Variants in VPS13C observed in about 807,000 individuals in gnomAD.
The protein encoded by VPS13C is vacuolar protein sorting 13 homolog C, also known as intermembrane lipid transfer protein VPS13C.
Under a neutral mutation model 456.8 loss-of-function variants are expected in VPS13C, and 358 were observed. That is an observed-to-expected ratio of 0.78 (90% confidence interval 0.72 to 0.86). VPS13C has a LOEUF of 0.86. VPS13C is among the 40% of genes least tolerant of loss of function. VPS13C has a pLI of 0.00. For missense variants in VPS13C, 4,818 were observed against 4,385.4 expected, an observed-to-expected ratio of 1.10 and a Z score of -2.79; for synonymous variants, 1,578 against 1,486.7, an observed-to-expected ratio of 1.06 and a Z score of -1.41.
Position 61,858,641 on chromosome 15 carries a change from A to G in VPS13C, c.10953-2232T>C, listed in dbSNP as rs1177065422. 6.6e-6 allele frequency among the ~76,000 whole-genome samples: 1 copy of G among 152,180 alleles called. No homozygotes were observed. Among genetic ancestry groups the G allele is most frequent in the Non-Finnish European group, 1.5e-5 (1 of 68,022 alleles). On this transcript the variant is annotated intron_variant, in intron 82 of 84. Coordinates refer to ENST00000644861, the MANE Select transcript of VPS13C (RefSeq NM_020821.3). This position sits in a 1 kb window ranked among gnomAD's most constrained non-coding sequence, Gnocchi z 4.4. ...TATAAGGCACAGGTGACTCTGAGCA[A>G]AAATAGTTTATGTAGGTGGGCCTGA...
In VPS13C at chr15:61,856,411, T is replaced by C; in HGVS notation, c.10953-2A>G. ...ACTTCCTTTATACACAACACTCGCC[T>C]ATTTTGCAAAAGAAAACAAAAACTT... On this transcript the variant is annotated splice_acceptor_variant, in intron 82 of 84. Coordinates refer to ENST00000644861, the MANE Select transcript of VPS13C (RefSeq NM_020821.3). LOFTEE classifies it high-confidence loss of function. 1 of 1,608,884 alleles carries C rather than the reference T, an allele frequency of 6.2e-7. No homozygotes were observed. Among genetic ancestry groups the C allele is most frequent in the African/African-American group, 1.3e-5 (1 of 74,718 alleles).
At chr15:61,980,599 A>T (rs1014906130) in intron 22 of VPS13C, among the ~76,000 whole-genome samples, 2 of 152,024 alleles carry the variant, frequency 1.3e-5, no homozygotes, top group African/African-American at 4.8e-5. Context: ...TTACAGTCCT[A>T]ATTTGGCTTC....
At chr15:61,874,664 T>C (rs1895280765) in intron 77 of VPS13C, among the ~76,000 whole-genome samples, 1 of 151,994 alleles carries the variant, frequency 6.6e-6, no homozygotes. Context: ...TGTAAAATTA[T>C]TTGCATTTAT....
intron 9 of VPS13C, among the ~76,000 whole-genome samples, chr15:62,016,671 C>A (rs192247116): frequency 3.3e-5 from 5 of 151,904 alleles, no homozygotes; most frequent in Non-Finnish European, 7.4e-5. Flanking sequence ...CAGTCTATCA[C>A]TGTTGGACAC....
intron 65 of VPS13C, 67 bp from the exon 66 acceptor site, chr15:61,907,457 A>C: frequency 6.4e-7 from 1 of 1,567,184 alleles, no homozygotes; most frequent in Non-Finnish European, 8.6e-7. Context: ...CCTGTAGTTT[A>C]CTGAGGAAGG....
chr15:61,912,457 A>T (rs1025735472), intron 62 of VPS13C, among the ~76,000 whole-genome samples: 7 of 152,148 alleles, frequency 4.6e-5, no homozygotes, highest in Admixed American at 4.6e-4. Context: ...GTACAGAATA[A>T]GGATTCTAGC....
chr15:61,875,964 GGAATAATCACCAC>G, intron 75 of VPS13C, 119 bp from the exon 76 acceptor site: 2 of 666,834 alleles, frequency 3.0e-6, no homozygotes, highest in Non-Finnish European at 4.9e-6. Context: ...AAAGCTGTAT[GGAATAATCACCAC>G]TACCTCCACT....
At chr15:61,924,079 G>A (rs975595431) in intron 53 of VPS13C, among the ~76,000 whole-genome samples, 58 of 151,346 alleles carry the variant, frequency 3.8e-4, no homozygotes, top group Middle Eastern at 3.4e-3. Flanking sequence ...TTTTAGCCGG[G>A]ATGGTCTCGA....
chr15:61,981,217 C>T (rs531143981), intron 22 of VPS13C, 125 bp downstream of exon 22: 2 of 1,178,774 alleles, frequency 1.7e-6, no homozygotes, highest in Non-Finnish European at 2.3e-6. Flanking sequence ...AGGCTTGAAA[C>T]ACAGGCTAAA....
chr15:62,000,663 A>C (rs1166234246), intron 15 of VPS13C, 37 bp from the exon 16 acceptor site: 3 of 1,556,504 alleles, frequency 1.9e-6, no homozygotes, highest in Non-Finnish European at 2.6e-6. Context: ...CAAGAAATTT[A>C]ATCATTAGAT....
chr15:62,003,992 G>GTTT (rs1270448119), intron 15 of VPS13C, among the ~76,000 whole-genome samples: 1 of 152,002 alleles, frequency 6.6e-6, no homozygotes, highest in Non-Finnish European at 1.5e-5. Flanking sequence ...TTTTTTGGTT[G>GTTT]TGTCTCTGCC....
chr15:61,890,195 T>C lies in VPS13C; in HGVS notation c.9311A>G (p.Lys3104Arg), dbSNP rs760016787. The C allele has an allele frequency of 6.2e-7, 1 of 1,614,148 alleles. No homozygotes were observed. Among genetic ancestry groups the C allele is most frequent in the South Asian group, 1.1e-5 (1 of 91,088 alleles). ...LGLSLVNNES[K>R]QEVSYIGITS... ...TATCCCAATATAGGAAACTTCCTGC[T>C]TGCTTTCATTGTTAACCAGTGAAAG... Residue 3104 changes from lysine to arginine, a missense_variant, in exon 67 of 85, where the codon AAG (lysine) becomes AGG (arginine). Lys to Arg is a conservative substitution (Grantham distance 26). Around this residue, in one of 3 missense-constraint regions of VPS13C, gnomAD observed 4,552 missense variants for 4,130.6 expected, o/e 1.10. Transcript: ENST00000644861.
chr15:61,864,501 A>C, intron 81 of VPS13C: 1 of 837,616 alleles, frequency 1.2e-6, no homozygotes, highest in Non-Finnish European at 1.4e-6. Context: ...CTGAATAAAT[A>C]AGACCTTGAC....
rs183508691 is a variant in VPS13C at position 61,894,868 on chromosome 15, T to G, written c.9106-4468A>C. 2.0e-5 allele frequency among the ~76,000 whole-genome samples: 3 copies of G among 152,324 alleles called. No homozygotes were observed. The East Asian group carries it at 5.8e-4, about 29-fold the overall frequency. On this transcript the variant is annotated intron_variant, in intron 66 of 84. Transcript: ENST00000644861. ...CAAGAAAGAAACACTGGAGTTAAAC[T>G]ACACTTTAGACCAAATGGACCTAAC...
chr15:61,950,946 T>G lies in VPS13C; in HGVS notation c.4535A>C (p.Lys1512Thr). 1 of 1,588,656 alleles carries G rather than the reference T, an allele frequency of 6.3e-7. No individual in the cohort carries two copies. Among genetic ancestry groups the G allele is most frequent in the Non-Finnish European group, 8.6e-7 (1 of 1,165,456 alleles). The stretch of plus-strand genomic sequence containing the variant: ...AATCCTAGAAATGAAACTAGTTACC[T>G]TTGTCAGTAACATTTTCAGAAGGGG... Reference protein sequence around the residue: ...DEPLLKMLLTKADSDGPEFKT... With the variant: ...DEPLLKMLLTTADSDGPEFKT... Residue 1512 changes from lysine to threonine, a missense_variant and splice_region_variant, in exon 40 of 85, where the codon AAG becomes ACG. Lys to Thr is a moderately conservative substitution (Grantham distance 78). Coordinates refer to ENST00000644861, the MANE Select transcript of VPS13C (RefSeq NM_020821.3).
At chr15:62,014,314 T>C (rs1382563440) in intron 9 of VPS13C, among the ~76,000 whole-genome samples, 1 of 152,064 alleles carries the variant, frequency 6.6e-6, no homozygotes, top group Non-Finnish European at 1.5e-5. Context: ...ATACATTCTT[T>C]TTAAAAAAAC....
At chr15:61,957,150 A>C (rs1259805251) in intron 37 of VPS13C, among the ~76,000 whole-genome samples, 1 of 152,182 alleles carries the variant, frequency 6.6e-6, no homozygotes, top group Admixed American at 6.6e-5. Flanking sequence ...ATGCACAACA[A>C]CACGAATGAA....
intron 16 of VPS13C, among the ~76,000 whole-genome samples, chr15:61,998,343 A>C (rs1273341464): frequency 6.6e-6 from 1 of 152,184 alleles, no homozygotes; most frequent in Non-Finnish European, 1.5e-5. Context: ...TTCTTATTGA[A>C]GTACTTATTA....
At chr15:61,879,897 T>C (rs1328395853) in intron 73 of VPS13C, among the ~76,000 whole-genome samples, 1 of 152,130 alleles carries the variant, frequency 6.6e-6, no homozygotes, top group Non-Finnish European at 1.5e-5. Flanking sequence ...AATCCATTCA[T>C]TTAGCTGAAG....
Sources: gnomAD v4.1 joint callset for allele counts (sites outside exome capture counted in the v4.1 genomes callset) on GRCh38, gnomAD v4.1.1 for gene constraint, gnomAD v4.1.1 regional missense constraint, Gnocchi (gnomAD v3.1) non-coding constraint, MANE v1.5 for transcripts, NCBI Gene and HGNC (gene_info 2026-07-23, HGNC 2026-07-21) for gene names.